LOC128125817: variants seen among roughly 807,000 people sequenced by gnomAD.
chr1:41,605,976 G>T, the LOC128125817 span, among the ~76,000 whole-genome samples: 1 of 152,216 alleles, frequency 6.6e-6, no homozygotes. Context: ...TAGGATGGCA[G>T]CAAGTACTGA....
the LOC128125817 span, among the ~76,000 whole-genome samples, chr1:41,618,222 G>C: frequency 6.6e-6 from 1 of 152,212 alleles, no homozygotes; most frequent in Admixed American, 6.5e-5. Flanking sequence ...GAGCCACCAG[G>C]CTTGCCACTC....
At chr1:41,605,927 A>G in the LOC128125817 span, among the ~76,000 whole-genome samples, 17 of 152,248 alleles carry the variant, frequency 1.1e-4, no homozygotes, top group African/African-American at 3.9e-4. Flanking sequence ...TCTCACGGTC[A>G]TGATACATCT....
chr1:41,605,371 A>G, the LOC128125817 span, among the ~76,000 whole-genome samples: 1 of 126,428 alleles, frequency 7.9e-6, no homozygotes, highest in Non-Finnish European at 1.7e-5. Flanking sequence ...ACACACGCAC[A>G]CGCGCACACA....
At chr1:41,623,066 T>C in the LOC128125817 span, among the ~76,000 whole-genome samples, 1 of 152,216 alleles carries the variant, frequency 6.6e-6, no homozygotes, top group Non-Finnish European at 1.5e-5. Flanking sequence ...GGTCCAAACC[T>C]GAGCTGGGGC....
chr1:41,597,864 G>T, the LOC128125817 span, among the ~76,000 whole-genome samples: 1 of 152,202 alleles, frequency 6.6e-6, no homozygotes, highest in East Asian at 1.9e-4. Flanking sequence ...AGCTGCTACA[G>T]CCTTACCTCA....
At chr1:41,622,943 C>A in the LOC128125817 span, among the ~76,000 whole-genome samples, 26 of 152,366 alleles carry the variant, frequency 1.7e-4, no homozygotes, top group Middle Eastern at 3.4e-3. Flanking sequence ...AGAGTAACTG[C>A]TGGATATAGC....
the LOC128125817 span, among the ~76,000 whole-genome samples, chr1:41,595,203 T>C: frequency 6.6e-6 from 1 of 152,198 alleles, no homozygotes; most frequent in Non-Finnish European, 1.5e-5. Flanking sequence ...TCACCTTGCT[T>C]CCAGGTTTCT....
chr1:41,602,688 G>A, the LOC128125817 span, among the ~76,000 whole-genome samples: 1 of 151,802 alleles, frequency 6.6e-6, no homozygotes, highest in African/African-American at 2.4e-5. Flanking sequence ...CCAACTCTTA[G>A]TTTCATTGAT....
chr1:41,589,883 C>T, the LOC128125817 span, among the ~76,000 whole-genome samples: 1 of 152,198 alleles, frequency 6.6e-6, no homozygotes, highest in Non-Finnish European at 1.5e-5. Flanking sequence ...AGTAATAAAA[C>T]ATACTGATGT....
At chr1:41,592,286 A>T in the LOC128125817 span, among the ~76,000 whole-genome samples, 2 of 152,166 alleles carry the variant, frequency 1.3e-5, no homozygotes, top group Non-Finnish European at 2.9e-5. Flanking sequence ...ACCCTAGGTA[A>T]GGCACTTTCC....
At chr1:41,613,636 ATCTT>A in the LOC128125817 span, among the ~76,000 whole-genome samples, 1 of 152,260 alleles carries the variant, frequency 6.6e-6, no homozygotes, top group Non-Finnish European at 1.5e-5. Context: ...AACTTTGAGT[ATCTT>A]TCTCATAAAC....
chr1:41,587,474 G>A, the LOC128125817 span, among the ~76,000 whole-genome samples: 150,880 of 152,340 alleles, frequency 0.99, 74,729 homozygotes, highest in East Asian at 1. Context: ...ACTACTAACA[G>A]TCATCGAGGA....
chr1:41,603,462 C>A, the LOC128125817 span, among the ~76,000 whole-genome samples: 2 of 152,068 alleles, frequency 1.3e-5, no homozygotes, highest in Non-Finnish European at 2.9e-5. Flanking sequence ...CAGGTTCAAG[C>A]GATTCTCCTG....
At chr1:41,597,886 C>T in the LOC128125817 span, among the ~76,000 whole-genome samples, 1 of 152,236 alleles carries the variant, frequency 6.6e-6, no homozygotes, top group East Asian at 1.9e-4. Flanking sequence ...CTACACACAT[C>T]TACAAACAAG....
At chr1:41,619,058 C>A in the LOC128125817 span, among the ~76,000 whole-genome samples, 1 of 152,046 alleles carries the variant, frequency 6.6e-6, no homozygotes, top group South Asian at 2.1e-4. Context: ...GGCAGGACAG[C>A]CCACTCCTCT....
At chr1:41,618,914 C>T in the LOC128125817 span, among the ~76,000 whole-genome samples, 1 of 152,204 alleles carries the variant, frequency 6.6e-6, no homozygotes, top group African/African-American at 2.4e-5. Context: ...GGAATCAGAC[C>T]CCTTCCCATG....
the LOC128125817 span, among the ~76,000 whole-genome samples, chr1:41,605,957 C>T: frequency 6.6e-6 from 1 of 152,170 alleles, no homozygotes; most frequent in East Asian, 1.9e-4. Context: ...AATGGTAGGA[C>T]AGATGTGTTA....
the LOC128125817 span, among the ~76,000 whole-genome samples, chr1:41,615,304 T>C: frequency 6.6e-6 from 1 of 152,216 alleles, no homozygotes; most frequent in African/African-American, 2.4e-5. Flanking sequence ...CTTCTACTCA[T>C]GGTTTATGTC....
the LOC128125817 span, among the ~76,000 whole-genome samples, chr1:41,622,729 C>T: frequency 1.3e-5 from 2 of 152,242 alleles, no homozygotes; most frequent in Non-Finnish European, 2.9e-5. Context: ...TTGTGTTTCA[C>T]GTTTCTATCA....
Sources: allele counts gnomAD v4.1 joint callset (sites outside exome capture counted in the v4.1 genomes callset), GRCh38; gene constraint gnomAD v4.1.1; transcripts MANE v1.5.